FLI1: variants seen among roughly 807,000 people sequenced by gnomAD.
FLI1 encodes Friend leukemia integration 1 transcription factor.
FLI1 carries 13 observed loss-of-function variants against 53.1 expected under a neutral mutation model. That is an observed-to-expected ratio of 0.24 (90% CI 0.16 to 0.39). FLI1 has a LOEUF of 0.39. FLI1 is among the 10% of genes least tolerant of loss of function. FLI1 has a pLI of 1.00. For synonymous variants in FLI1, 244 were observed against 236.7 expected, an observed-to-expected ratio of 1.03 and a Z score of -0.28; for missense variants, 424 against 600.5, an observed-to-expected ratio of 0.71 and a Z score of 3.07.
At chr11:128,701,868 G>T (rs761079112) in intron 1 of FLI1, among the ~76,000 whole-genome samples, 1 of 152,132 alleles carries the variant, frequency 6.6e-6, no homozygotes, top group African/African-American at 2.4e-5. Flanking sequence ...ACATTGTGTG[G>T]GTTTCACATG....
chr11:128,757,861 A>T (rs983589347), intron 1 of FLI1, among the ~76,000 whole-genome samples: 1 of 152,104 alleles, frequency 6.6e-6, no homozygotes, highest in Non-Finnish European at 1.5e-5. Flanking sequence ...CTACAGAACC[A>T]ATAAACAAAC....
chr11:128,746,651 G>A (rs1221631777), intron 1 of FLI1, among the ~76,000 whole-genome samples: 1 of 152,108 alleles, frequency 6.6e-6, no homozygotes, highest in Non-Finnish European at 1.5e-5. Context: ...ACTCCATCCT[G>A]GCTCCCAGGC....
intron 1 of FLI1, among the ~76,000 whole-genome samples, chr11:128,737,004 A>G (rs1014362539): frequency 2.0e-5 from 3 of 152,346 alleles, no homozygotes; most frequent in African/African-American, 7.2e-5. Context: ...CACAAACCCA[A>G]CCAAACATTT....
chr11:128,704,511 C>T (rs1026212061), intron 1 of FLI1, among the ~76,000 whole-genome samples: 8 of 152,154 alleles, frequency 5.3e-5, no homozygotes, highest in Admixed American at 2.6e-4. Flanking sequence ...GCGTCTTTCC[C>T]GTGGCCTTTA....
At chr11:128,779,784 C>T (rs756636630) in intron 4 of FLI1, among the ~76,000 whole-genome samples, 5 of 152,192 alleles carry the variant, frequency 3.3e-5, no homozygotes, top group African/African-American at 9.7e-5. Context: ...AACATACAGT[C>T]GTGCTTTGCT....
At position 128,772,889 on chromosome 11, in the gene FLI1, A is replaced by C. The variant is rs774555801; in HGVS notation, c.493A>C (p.Lys165Gln). The C allele has an allele frequency of 6.2e-6, 10 of 1,613,940 alleles. No homozygotes were observed. Among genetic ancestry groups the C allele is most frequent in the Non-Finnish European group, 7.6e-6 (9 of 1,179,888 alleles). Residue 165 changes from lysine to glutamine, a missense_variant, in exon 4 of 9, where the codon AAG (lysine) becomes CAG (glutamine). Lys to Gln is a moderately conservative substitution (Grantham distance 53). Around this residue, in one of 5 missense-constraint regions of FLI1, gnomAD observed 114 missense variants for 117.9 expected, o/e 0.97. Transcript: ENST00000527786. ...DTSFFQNMDG[K>Q]ELCKMNKEDF... ...ATCCTTTTTCCAGAACATGGATGGC[A>C]AGGAACTGTGTAAAATGAACAAGGA...
chr11:128,791,623 C>A (rs899078120), intron 5 of FLI1, among the ~76,000 whole-genome samples: 9 of 152,092 alleles, frequency 5.9e-5, no homozygotes, highest in Non-Finnish European at 2.9e-5. Flanking sequence ...GTAGAACTAA[C>A]CCTTTGAGAT....
At chr11:128,802,190 G>T (rs926548080) in intron 5 of FLI1, among the ~76,000 whole-genome samples, 2 of 152,202 alleles carry the variant, frequency 1.3e-5, no homozygotes, top group Non-Finnish European at 2.9e-5. Flanking sequence ...CAGAATGCAA[G>T]ACTTTAGTTC....
At chr11:128,716,196 T>C (rs1392456208) in intron 1 of FLI1, among the ~76,000 whole-genome samples, 1 of 152,194 alleles carries the variant, frequency 6.6e-6, no homozygotes, top group Non-Finnish European at 1.5e-5. Flanking sequence ...CCAGGAGATT[T>C]AGAGAAGTTG....
In FLI1 at chr11:128,772,947, C is replaced by T. The variant is rs199855586; in HGVS notation, c.551C>T (p.Thr184Met). The T allele has an allele frequency of 9.3e-6, 15 of 1,613,864 alleles. No individual in the cohort carries two copies. Among genetic ancestry groups the T allele is most frequent in the Admixed American group, 1.7e-5 (1 of 60,014 alleles). The change falls in exon 4 of 9, where the codon ACG (threonine) becomes ATG (methionine). Residue 184 changes from threonine (T) to methionine (M), a missense_variant. Thr to Met is a moderately conservative substitution (Grantham distance 81). Transcript: ENST00000527786. ...DFLRATTLYNTEVLLSHLSYL... is the reference protein window; with the variant it reads ...DFLRATTLYNMEVLLSHLSYL... Reference sequence around the variant, plus strand: ...CTCCGCGCCACCACCCTCTACAACACGGAAGTGCTGTTGTCACACCTCAGT... The same window carrying T: ...CTCCGCGCCACCACCCTCTACAACATGGAAGTGCTGTTGTCACACCTCAGT...
At chr11:128,765,787 CGTGTGTGTAATGTGTATGCGTGT>C (rs1565488984) in intron 2 of FLI1, among the ~76,000 whole-genome samples, 1 of 151,990 alleles carries the variant, frequency 6.6e-6, no homozygotes, top group East Asian at 1.9e-4. Flanking sequence ...TGTATGCACG[CGTGTGTGTAATGTGTATGCGTGT>C]GTGTGCACTG....
intron 1 of FLI1, among the ~76,000 whole-genome samples, chr11:128,722,838 G>A (rs925015843): frequency 6.6e-6 from 1 of 152,134 alleles, no homozygotes; most frequent in African/African-American, 2.4e-5. Context: ...TGGGAACCGC[G>A]GGGTGGGGGA....
chr11:128,783,222 G>C (rs1387790068), intron 5 of FLI1, among the ~76,000 whole-genome samples: 2 of 152,162 alleles, frequency 1.3e-5, no homozygotes, highest in African/African-American at 4.8e-5. Context: ...CTCTTCTAAG[G>C]GAAGGACCAT....
chr11:128,758,023 G>A, intron 1 of FLI1, 92 bp from the exon 2 acceptor site: 1 of 1,158,648 alleles, frequency 8.6e-7, no homozygotes, highest in Non-Finnish European at 1.2e-6. Context: ...TCCTGGGGCA[G>A]CCCTGGGCCA....
At chr11:128,749,145 C>T (rs1940536400) in intron 1 of FLI1, among the ~76,000 whole-genome samples, 1 of 152,174 alleles carries the variant, frequency 6.6e-6, no homozygotes, top group Admixed American at 6.5e-5. Context: ...CCTGGACAGT[C>T]ATGGTGCTGA....
chr11:128,746,264 G>A (rs920770582), intron 1 of FLI1, among the ~76,000 whole-genome samples: 14 of 152,162 alleles, frequency 9.2e-5, no homozygotes, highest in Admixed American at 9.2e-4. Flanking sequence ...GACTGATGAG[G>A]TTCTTCTCTT....
At chr11:128,712,461 GTAT>G (rs1303175342) in intron 1 of FLI1, among the ~76,000 whole-genome samples, 1 of 152,194 alleles carries the variant, frequency 6.6e-6, no homozygotes, top group African/African-American at 2.4e-5. Context: ...ATGGTACACT[GTAT>G]TAGTCTGTTT....
In FLI1 at chr11:128,784,268, C is replaced by CCTG. The variant is rs1555122623; in HGVS notation, c.655+2249_655+2251dup. Among the ~76,000 whole-genome samples the CCTG allele has an allele frequency of 5.2e-3, 681 of 130,226 alleles. 32 individuals carry two copies. Among genetic ancestry groups the CCTG allele is most frequent in the African/African-American group, 0.015 (522 of 33,898 alleles). The allele number at this position is 130,226 out of a possible 152,430, so 85.4% of individuals were successfully genotyped here. On this transcript the variant is annotated intron_variant, in intron 5 of 8. Coordinates refer to ENST00000527786, the MANE Select transcript of FLI1 (RefSeq NM_002017.5). ...TCCTCCTCCTCCTCCTCCTCCTCCT[C>CCTG]CTGCTGTCTTATTGTTCAGCCGTGT...
chr11:128,713,025 G>T (rs1178034832), intron 1 of FLI1, among the ~76,000 whole-genome samples: 1 of 152,158 alleles, frequency 6.6e-6, no homozygotes, highest in South Asian at 2.1e-4. Flanking sequence ...TTTTTCTTTG[G>T]AAGTCTTCAG....
Sources: allele counts gnomAD v4.1 joint callset (sites outside exome capture counted in the v4.1 genomes callset), GRCh38; gene constraint gnomAD v4.1.1; regional missense constraint gnomAD v4.1.1; transcripts MANE v1.5; gene names NCBI Gene and HGNC (gene_info 2026-07-23, HGNC 2026-07-21).